Variants in MAP3K20 observed in about 807,000 individuals in gnomAD.
MAP3K20 encodes the protein mitogen-activated protein kinase kinase kinase 20.
MAP3K20 carries 40 observed loss-of-function variants against 85.7 expected under a neutral mutation model. The observed-to-expected ratio is 0.47, with a 90% CI of 0.36 to 0.61. The LOEUF (loss-of-function observed/expected upper bound fraction) is 0.61, where lower values mean the gene tolerates loss of function less well. MAP3K20 is among the 20% of genes least tolerant of loss of function. The probability of loss-of-function intolerance (pLI) is 0.00; values close to 1 mark genes in which losing one functional copy is unlikely to be tolerated. For synonymous variants in MAP3K20, 325 were observed against 327.7 expected (o/e 0.99, Z 0.09); for missense variants, 817 against 961.7 (o/e 0.85, Z 1.99).
chr2:173,256,119 C>A (rs1239892607), intron 16 of MAP3K20, among the ~76,000 whole-genome samples: 1 of 152,226 alleles, frequency 6.6e-6, no homozygotes, highest in Admixed American at 6.5e-5. Flanking sequence ...GCTTGGCTTG[C>A]GATTCATCTA....
chr2:173,150,765 C>T (rs1689282622), intron 2 of MAP3K20, among the ~76,000 whole-genome samples: 1 of 152,026 alleles, frequency 6.6e-6, no homozygotes, highest in Non-Finnish European at 1.5e-5. Context: ...GGGGTTTCAC[C>T]GTGTTGGTCA....
chr2:173,165,663 A>G (rs953104583), intron 2 of MAP3K20, among the ~76,000 whole-genome samples: 13 of 152,126 alleles, frequency 8.5e-5, no homozygotes, highest in African/African-American at 3.1e-4. Flanking sequence ...AATTAAGTGT[A>G]TAATTCAGTG....
At chr2:173,203,257 T>C (rs977650237) in intron 8 of MAP3K20, among the ~76,000 whole-genome samples, 8 of 152,164 alleles carry the variant, frequency 5.3e-5, no homozygotes, top group African/African-American at 1.9e-4. Flanking sequence ...ATCGGGTCCT[T>C]AAAGTATATG....
rs1409040468 is a variant in MAP3K20 at position 173,125,683 on chromosome 2, G to A, written c.159+34493G>A. ...CTTTTATTTATTTATTTATTTCTGA[G>A]ATGGAGTCTTGCTCTGTCGCCCAGG... On this transcript the variant is annotated intron_variant, in intron 2 of 19. Transcript: ENST00000375213. 9.9e-5 allele frequency among the ~76,000 whole-genome samples: 15 copies of A among 152,084 alleles called. No individual in the cohort carries two copies. In the East Asian group the frequency reaches 2.7e-3, roughly 27 times the overall value.
chr2:173,075,905 G>A lies in MAP3K20; in HGVS notation c.-132G>A, dbSNP rs1408614727. Reference sequence around the variant, plus strand: ...ACTCCTAACTGCAGCGGAAACGTGGGAGCCGCGCGGGCCGCTGTCGTCCCA... The same window carrying A: ...ACTCCTAACTGCAGCGGAAACGTGGAAGCCGCGCGGGCCGCTGTCGTCCCA... On this transcript the variant is annotated 5_prime_UTR_variant, in exon 1 of 20. Transcript: ENST00000375213. The A allele has an allele frequency of 1.9e-5, 19 of 985,060 alleles. No homozygotes were observed. Among genetic ancestry groups the A allele is most frequent in the South Asian group, 4.7e-5 (1 of 21,296 alleles). 61.0% of individuals were successfully genotyped at this position (985,060 alleles called of 1,614,324 possible). A position where few individuals can be genotyped will look rare whatever the true frequency, so the allele number is the denominator to read the frequency against.
intron 1 of MAP3K20, among the ~76,000 whole-genome samples, chr2:173,081,021 TC>T (rs1686998695): frequency 6.6e-6 from 1 of 152,170 alleles, no homozygotes; most frequent in South Asian, 2.1e-4. Context: ...ATGTTTTCCT[TC>T]AAGAATTTGT....
Position 173,167,116 on chromosome 2 carries a change from C to T in MAP3K20, c.160-2689C>T, listed in dbSNP as rs565319314. On this transcript the variant is annotated intron_variant, in intron 2 of 19. Coordinates refer to ENST00000375213, the MANE Select transcript of MAP3K20 (RefSeq NM_016653.3). Reference sequence around the variant, plus strand: ...ATTTTTAGTAGAGACGGGGTTTCACCATATTAGCCAGGATGGTCTCGACCT... The same window carrying T: ...ATTTTTAGTAGAGACGGGGTTTCACTATATTAGCCAGGATGGTCTCGACCT... 3.9e-5 allele frequency among the ~76,000 whole-genome samples: 6 copies of T among 151,992 alleles called. No individual in the cohort carries two copies. In the East Asian group the frequency reaches 1.2e-3, roughly 29 times the overall value.
At chr2:173,160,425 T>C (rs1689623446) in intron 2 of MAP3K20, 1 of 152,208 alleles carries the variant, frequency 6.6e-6, no homozygotes, top group South Asian at 2.1e-4. Context: ...TGAAGTTTTT[T>C]ATTTTTATTT....
At chr2:173,134,361 C>A (rs1176387094) in intron 2 of MAP3K20, among the ~76,000 whole-genome samples, 1 of 109,306 alleles carries the variant, frequency 9.1e-6, no homozygotes, top group African/African-American at 3.6e-5. Flanking sequence ...CCACTCCTGG[C>A]TAAATTGTGT....
At chr2:173,172,925 A>G (rs1313079759) in intron 3 of MAP3K20, among the ~76,000 whole-genome samples, 2 of 151,690 alleles carry the variant, frequency 1.3e-5, no homozygotes, top group Non-Finnish European at 2.9e-5. Context: ...AGCCTCCTGA[A>G]TAGCTGGGAC....
chr2:173,252,360 ATT>A (rs1685059289), intron 16 of MAP3K20, among the ~76,000 whole-genome samples: 1 of 152,000 alleles, frequency 6.6e-6, no homozygotes. Context: ...AATTCAGAAA[ATT>A]TTTTCACTTG....
At chr2:173,117,511 C>T (rs1254120510) in intron 2 of MAP3K20, among the ~76,000 whole-genome samples, 1 of 152,024 alleles carries the variant, frequency 6.6e-6, no homozygotes, top group Non-Finnish European at 1.5e-5. Flanking sequence ...AACTCCTGGG[C>T]TCGACTGATC....
rs1574174250 is a variant in MAP3K20 at position 173,266,735 on chromosome 2, A to G, written c.2388A>G (p.Gly796=). 4 of 1,499,178 alleles carry G rather than the reference A, an allele frequency of 2.7e-6. No individual in the cohort carries two copies. The highest frequency in any genetic ancestry group is 1.4e-5 in the African/African-American group (1 of 70,850). The allele number at this position is 1,499,178 out of a possible 1,614,324, so 92.9% of individuals were successfully genotyped here. The change falls in exon 20 of 20, where the codon GGA becomes GGG. Residue 796 remains glycine, a synonymous_variant. Transcript: ENST00000375213. ...AGAGAGCCAGAGGGGACCACCGTGG[A>G]TGGAGAAACTTTTGATGAATTGAAC... ...NKERARGDHR[G]WRNF
At chr2:173,144,789 A>C (rs1171647406) in intron 2 of MAP3K20, among the ~76,000 whole-genome samples, 1 of 152,206 alleles carries the variant, frequency 6.6e-6, no homozygotes, top group Non-Finnish European at 1.5e-5. Flanking sequence ...TCCTCCAAAA[A>C]TTGATTTGTA....
chr2:173,176,466 G>A (rs1690159607), intron 3 of MAP3K20, among the ~76,000 whole-genome samples: 2 of 152,170 alleles, frequency 1.3e-5, no homozygotes, highest in South Asian at 4.1e-4. Flanking sequence ...ATATTTTATT[G>A]TAATTAGATT....
chr2:173,126,871 C>A (rs1047317140), intron 2 of MAP3K20, among the ~76,000 whole-genome samples: 4 of 152,178 alleles, frequency 2.6e-5, no homozygotes, highest in Admixed American at 1.3e-4. Flanking sequence ...TTGATTTCTG[C>A]AACATCAAGA....
chr2:173,180,122 A>G (rs1360466772), intron 3 of MAP3K20, among the ~76,000 whole-genome samples: 2 of 152,194 alleles, frequency 1.3e-5, no homozygotes, highest in East Asian at 3.8e-4. Flanking sequence ...CAATCCTAAA[A>G]TTTACGTGGT....
chr2:173,179,518 A>G lies in MAP3K20; in HGVS notation c.248-3336A>G, dbSNP rs1333309099. On this transcript the variant is annotated intron_variant, in intron 3 of 19. Transcript: ENST00000375213. The stretch of plus-strand genomic sequence containing the variant: ...TATCTTATTCCACGGTGAAAAGCTG[A>G]ATGTTTTCTCCCCAAGACTGGGAAC... Among the ~76,000 whole-genome samples, 4 of 152,278 alleles carry G rather than the reference A, an allele frequency of 2.6e-5. No homozygotes were observed. The East Asian group carries it at 7.7e-4, about 29-fold the overall frequency.
chr2:173,231,091 A>G (rs931171768), intron 12 of MAP3K20, among the ~76,000 whole-genome samples: 1 of 152,230 alleles, frequency 6.6e-6, no homozygotes, highest in Non-Finnish European at 1.5e-5. Flanking sequence ...GAAAATGAAA[A>G]AAACAAAAGA....
Sources: allele counts gnomAD v4.1 joint callset (sites outside exome capture counted in the v4.1 genomes callset), GRCh38; gene constraint gnomAD v4.1.1; transcripts MANE v1.5; gene names NCBI Gene and HGNC (gene_info 2026-07-23, HGNC 2026-07-21).